The following TNFRSF14 variants were observed in gnomAD, a reference collection of about 807,000 sequenced individuals.
TNFRSF14 encodes TNF receptor superfamily member 14.
Under a neutral mutation model 34.1 loss-of-function variants are expected in TNFRSF14, and 18 were observed. The ratio of observed to expected loss-of-function variants is 0.53; its 90% CI spans 0.36 to 0.78. TNFRSF14 has a LOEUF of 0.78. Ranked by LOEUF, TNFRSF14 falls within the 30% of genes least tolerant of loss-of-function variation. The pLI is 0.00. For missense variants in TNFRSF14, 352 were observed against 379.5 expected (o/e 0.93, Z 0.60); for synonymous variants, 157 against 153.2 (o/e 1.02, Z -0.18).
At chr1:2,562,391 A>C (rs1013585319) in intron 6 of TNFRSF14, 6 of 237,084 alleles carry the variant, frequency 2.5e-5, no homozygotes, top group Non-Finnish European at 4.2e-5. Flanking sequence ...AGGGAAAGTC[A>C]GCCCCATCCT....
chr1:2,557,036 G>C, intron 1 of TNFRSF14: 1 of 404,914 alleles, frequency 2.5e-6, no homozygotes, highest in Non-Finnish European at 4.4e-6. Context: ...ACTTCTGGGG[G>C]CTGGGTGTCT....
chr1:2,561,484 C>G lies in TNFRSF14; in HGVS notation c.552-189C>G. On this transcript the variant is annotated intron_variant, in intron 5 of 7. Coordinates refer to ENST00000355716, the MANE Select transcript of TNFRSF14 (RefSeq NM_003820.4). The surrounding 1 kb of genome is among the most constrained non-coding windows in gnomAD (Gnocchi z 6.0). Reference sequence around the variant, plus strand: ...TCTTCTCCTCCTTCCTTCTCTCCACCTCCCCATAGCCGAGCTTGGAAAAGT... The same window carrying G: ...TCTTCTCCTCCTTCCTTCTCTCCACGTCCCCATAGCCGAGCTTGGAAAAGT... 1 of 1,512,880 alleles carries G rather than the reference C, an allele frequency of 6.6e-7. No individual in the cohort carries two copies. The highest frequency in any genetic ancestry group is 8.9e-7 in the Non-Finnish European group (1 of 1,126,254). 93.7% of individuals were successfully genotyped at this position (1,512,880 alleles called of 1,614,324 possible). A position where few individuals can be genotyped will look rare whatever the true frequency, so the allele number is the denominator to read the frequency against.
chr1:2,559,185 G>A, intron 3 of TNFRSF14: 3 of 1,368,426 alleles, frequency 2.2e-6, no homozygotes, highest in South Asian at 2.5e-5. Context: ...AGAAGAGGAA[G>A]CTGGAGTGCT....
chr1:2,558,751 G>A, intron 3 of TNFRSF14: 1 of 1,207,004 alleles, frequency 8.3e-7, no homozygotes, highest in Non-Finnish European at 1.1e-6. Flanking sequence ...TGGTGCCCGG[G>A]GTGGGTGCCC....
upstream of TNFRSF14, chr1:2,556,334 G>C (rs2234151): frequency 2.7e-4 from 166 of 613,740 alleles, no homozygotes; most frequent in East Asian, 4.7e-3. Context: ...GAATGGTGCA[G>C]GGGGAGAACT....
chr1:2,559,796 C>T (rs1165610253), intron 3 of TNFRSF14, 27 bp from the exon 4 acceptor site: 1 of 1,597,252 alleles, frequency 6.3e-7, no homozygotes, highest in East Asian at 2.3e-5. Flanking sequence ...CCACGTACCC[C>T]TCTCAGCCCC....
chr1:2,560,336 C>T (rs890570024), intron 4 of TNFRSF14, among the ~76,000 whole-genome samples: 2 of 152,150 alleles, frequency 1.3e-5, no homozygotes, highest in African/African-American at 4.8e-5. Flanking sequence ...AGTAAGTGTC[C>T]AGCCCTGGCC....
chr1:2,556,131 T>G (rs1035133067), upstream of TNFRSF14: 1 of 367,058 alleles, frequency 2.7e-6, no homozygotes, highest in Non-Finnish European at 5.4e-6. Flanking sequence ...GTGGTTTTAT[T>G]CGGAAGGGAA....
In TNFRSF14 at chr1:2,562,915, C is replaced by T; in HGVS notation, c.726+19C>T. On this transcript the variant is annotated intron_variant, in intron 7 of 7. Coordinates refer to ENST00000355716, the MANE Select transcript of TNFRSF14 (RefSeq NM_003820.4). ...CGTCCAGGTATTGATCCTCCTCCCC[C>T]TCTCCCTCCCCCCTCCACCTTCCCA... 1 of 1,609,780 alleles carries T rather than the reference C, an allele frequency of 6.2e-7. No homozygotes were observed. The highest frequency in any genetic ancestry group is 1.1e-5 in the South Asian group (1 of 90,972).
chr1:2,560,716 T>C lies in TNFRSF14; in HGVS notation c.551+2T>C. On this transcript the variant is annotated splice_donor_variant, in intron 5 of 7. Coordinates refer to ENST00000355716, the MANE Select transcript of TNFRSF14 (RefSeq NM_003820.4). LOFTEE classifies it high-confidence loss of function. ...GGAGGAATGTCAGCACCAGACCAAG[T>C]AAGTGAACCCGGGGGAGGCCCAGCT... is the stretch of plus-strand genomic sequence containing the variant. 6.2e-7 allele frequency: 1 copy of C among 1,613,038 alleles called. No individual in the cohort carries two copies. The highest frequency in any genetic ancestry group is 8.5e-7 in the Non-Finnish European group (1 of 1,179,808).
chr1:2,556,300 C>T (rs1557472717), upstream of TNFRSF14: 1 of 575,064 alleles, frequency 1.7e-6, no homozygotes. Flanking sequence ...GCTCCCCCTT[C>T]TACAGGAAAC....
rs1482768586 is a variant in TNFRSF14 at position 2,561,977 on chromosome 1, C to T, written c.694+162C>T. ...GGGCAGGTGGGCTTTCTGCTGTGGC[C>T]AGAGCCCAGGTGTCAGCTGGCCTCC... is the stretch of plus-strand genomic sequence containing the variant. On this transcript the variant is annotated intron_variant, in intron 6 of 7. Transcript: ENST00000355716. This position sits in a 1 kb window ranked among gnomAD's most constrained non-coding sequence, Gnocchi z 6.0. The T allele has an allele frequency of 6.2e-6, 5 of 806,646 alleles. No individual in the cohort carries two copies. Among genetic ancestry groups the T allele is most frequent in the Non-Finnish European group, 9.8e-6 (5 of 508,592 alleles). 50.0% of individuals were successfully genotyped at this position (806,646 alleles called of 1,614,324 possible). A position where few individuals can be genotyped will look rare whatever the true frequency, so the allele number is the denominator to read the frequency against.
At position 2,559,941 on chromosome 1, in the gene TNFRSF14, C is replaced by T. The variant is rs371690095; in HGVS notation, c.423C>T (p.Tyr141=). Residue 141 remains tyrosine (Y), a synonymous_variant, in exon 4 of 8, where the codon TAC becomes TAT. Transcript: ENST00000355716. ...DGDHCAACRA[Y]ATSSPGQRVQ... ...ACCACTGCGCCGCGTGCCGCGCTTA[C>T]GCCACCTCCAGCCCGGGCCAGAGGG... is the stretch of plus-strand genomic sequence containing the variant. 23 of 1,594,024 alleles carry T rather than the reference C, an allele frequency of 1.4e-5. No individual in the cohort carries two copies. Among genetic ancestry groups the T allele is most frequent in the East Asian group, 9.1e-5 (4 of 44,006 alleles).
intron 3 of TNFRSF14, 171 bp downstream of exon 3, chr1:2,558,639 C>T (rs1644255673): frequency 7.6e-7 from 1 of 1,321,918 alleles, no homozygotes; most frequent in African/African-American, 1.5e-5. Flanking sequence ...TGAGGTCAGC[C>T]TCCGGCCCCC....
rs924272984 is a variant in TNFRSF14 at position 2,561,509 on chromosome 1, TCAGA to T, written c.552-158_552-155del. On this transcript the variant is annotated intron_variant, in intron 5 of 7. Transcript: ENST00000355716. This position sits in a 1 kb window ranked among gnomAD's most constrained non-coding sequence, Gnocchi z 6.0. The stretch of plus-strand genomic sequence containing the variant: ...CTCCCCATAGCCGAGCTTGGAAAAG[TCAGA>T]CAGACCTCTGAGGTCTCATCCTGGA... The T allele has an allele frequency of 2.6e-6, 4 of 1,537,302 alleles. No individual in the cohort carries two copies. The highest frequency in any genetic ancestry group is 4.1e-5 in the Admixed American group (2 of 48,360).
intron 2 of TNFRSF14, 55 bp from the exon 3 acceptor site, chr1:2,558,288 G>T: frequency 6.4e-7 from 1 of 1,552,102 alleles, no homozygotes. Context: ...GTGATGGGTG[G>T]GCTCCCGAAG....
chr1:2,556,773 C>T (rs1644221896), intron 1 of TNFRSF14, 40 bp downstream of exon 1: 2 of 1,539,952 alleles, frequency 1.3e-6, no homozygotes, highest in Admixed American at 2.0e-5. Flanking sequence ...TCGCAGATCC[C>T]AGTTCTGACC....
Position 2,560,442 on chromosome 1 carries a change from C to T in TNFRSF14, c.461-182C>T, listed in dbSNP as rs11573984. On this transcript the variant is annotated intron_variant, in intron 4 of 7. Transcript: ENST00000355716. Reference sequence around the variant, plus strand: ...CCCAGCTACTCAAGGCCGGGACAGCCAGAGCCACCACCCCAGGCCCCACCT... The same window carrying T: ...CCCAGCTACTCAAGGCCGGGACAGCTAGAGCCACCACCCCAGGCCCCACCT... The T allele has an allele frequency of 1.1e-3, 635 of 588,166 alleles. 8 individuals carry two copies. In the Middle Eastern group the frequency reaches 0.012, roughly 11 times the overall value. The allele number at this position is 588,166 out of a possible 1,614,324, so 36.4% of individuals were successfully genotyped here.
intron 3 of TNFRSF14, 145 bp downstream of exon 3, chr1:2,558,613 C>A: frequency 6.9e-7 from 1 of 1,458,648 alleles, no homozygotes. Context: ...ATGGATGCAC[C>A]CTGCAGGGGA....
Sources: gnomAD v4.1 joint callset for allele counts (sites outside exome capture counted in the v4.1 genomes callset) on GRCh38, gnomAD v4.1.1 for gene constraint, Gnocchi (gnomAD v3.1) non-coding constraint, MANE v1.5 for transcripts, NCBI Gene and HGNC (gene_info 2026-07-23, HGNC 2026-07-21) for gene names.